Variants in CUX2 observed in about 807,000 individuals in gnomAD.
CUX2 encodes cut like homeobox 2.
A neutral mutation model predicts 144.8 loss-of-function variants in CUX2; 40 were observed. The ratio of observed to expected loss-of-function variants is 0.28; its 90% confidence interval spans 0.21 to 0.36. CUX2 has a LOEUF of 0.36. Ranked by LOEUF, CUX2 falls within the 10% of genes least tolerant of loss-of-function variation. The pLI is 1.00. For missense variants in CUX2, 1,615 were observed against 1,994.0 expected, an observed-to-expected ratio of 0.81 and a Z score of 3.62; for synonymous variants, 827 against 875.6, an observed-to-expected ratio of 0.94 and a Z score of 0.98.
Position 111,295,265 on chromosome 12 carries a change from C to G in CUX2, c.561-68C>G, listed in dbSNP as rs1885910360. On this transcript the variant is annotated intron_variant, in intron 6 of 21. Transcript: ENST00000261726. The surrounding 1 kb of genome is among the most constrained non-coding windows in gnomAD (Gnocchi z 5.0). Reference sequence around the variant, plus strand: ...GCAAGGGGTAGGAAGCAAGATGGGGCTCGACTCGGGGGCCCCAGGCAAGGC... The same window carrying G: ...GCAAGGGGTAGGAAGCAAGATGGGGGTCGACTCGGGGGCCCCAGGCAAGGC... The G allele has an allele frequency of 2.7e-6, 4 of 1,468,132 alleles. No homozygotes were observed. Among genetic ancestry groups the G allele is most frequent in the Non-Finnish European group, 9.4e-7 (1 of 1,069,508 alleles). 90.9% of individuals were successfully genotyped at this position (1,468,132 alleles called of 1,614,324 possible).
intron 1 of CUX2, among the ~76,000 whole-genome samples, chr12:111,174,716 G>T (rs976766738): frequency 1.3e-5 from 2 of 152,328 alleles, no homozygotes; most frequent in Non-Finnish European, 2.9e-5. Context: ...ACAGACTGGG[G>T]TGCCCTCTGG....
intron 1 of CUX2, among the ~76,000 whole-genome samples, chr12:111,091,654 G>T (rs565017148): frequency 1.3e-5 from 2 of 152,194 alleles, no homozygotes; most frequent in Non-Finnish European, 2.9e-5. Context: ...AACTAAAGGG[G>T]ACTTAAAATA....
chr12:111,132,810 C>T (rs369086863), intron 1 of CUX2, among the ~76,000 whole-genome samples: 9 of 152,022 alleles, frequency 5.9e-5, no homozygotes, highest in African/African-American at 1.7e-4. Context: ...TCAGGTGATG[C>T]GCCTGCCTCG....
Position 111,311,594 on chromosome 12 carries a change from A to ATTTT in CUX2, c.1901-504_1901-503insTTTT, listed in dbSNP as rs767367160. 2.4e-4 allele frequency among the ~76,000 whole-genome samples: 32 copies of ATTTT among 133,728 alleles called. 1 individual carries two copies. Among genetic ancestry groups the ATTTT allele is most frequent in the African/African-American group, 7.7e-4 (23 of 30,014 alleles). 87.7% of individuals were successfully genotyped at this position (133,728 alleles called of 152,430 possible). ...ATAAGCCACTGTACCCTATTTCTTT[A>ATTTT]TTATTATTATTTTTTTTTTTTTGAG... On this transcript the variant is annotated intron_variant, in intron 15 of 21. Coordinates refer to ENST00000261726, the MANE Select transcript of CUX2 (RefSeq NM_015267.4).
rs888679321 is a variant in CUX2, at chr12:111,310,767, G to A, written c.1900+85G>A. The A allele has an allele frequency of 3.5e-6, 5 of 1,437,490 alleles. No homozygotes were observed. The highest frequency in any genetic ancestry group is 1.4e-5 in the African/African-American group (1 of 70,814). 89.0% of individuals were successfully genotyped at this position (1,437,490 alleles called of 1,614,324 possible). On this transcript the variant is annotated intron_variant, in intron 15 of 21. Transcript: ENST00000261726. The surrounding 1 kb of genome is among the most constrained non-coding windows in gnomAD (Gnocchi z 7.9). ...CTGGGGGCTGAGGACACGCGCTCTG[G>A]GTTCAAAGCCCAGCTCTACCACCAC...
rs1406885030 is a variant in CUX2 at position 111,304,381 on chromosome 12, A to G, written c.858+67A>G. ...AAAGATCGGGAATGGCTGAGTTTGCAGGTTTCAGCATGTGGGTGACACTTT... is the reference window on the plus strand; with the variant it reads ...AAAGATCGGGAATGGCTGAGTTTGCGGGTTTCAGCATGTGGGTGACACTTT... On this transcript the variant is annotated intron_variant, in intron 10 of 21. Transcript: ENST00000261726. This position sits in a 1 kb window ranked among gnomAD's most constrained non-coding sequence, Gnocchi z 4.7. 5 of 1,321,006 alleles carry G rather than the reference A, an allele frequency of 3.8e-6. No individual in the cohort carries two copies. Among genetic ancestry groups the G allele is most frequent in the Non-Finnish European group, 5.4e-6 (5 of 933,632 alleles). The allele number at this position is 1,321,006 out of a possible 1,614,324, so 81.8% of individuals were successfully genotyped here. A position where few individuals can be genotyped will look rare whatever the true frequency, so the allele number is the denominator to read the frequency against.
chr12:111,317,195 G>A (rs1296252873), intron 16 of CUX2, among the ~76,000 whole-genome samples: 1 of 152,188 alleles, frequency 6.6e-6, no homozygotes, highest in Non-Finnish European at 1.5e-5. Flanking sequence ...TGAAGAAGGG[G>A]TTACATTGAT....
At chr12:111,333,063 G>A (rs1324219291) in intron 18 of CUX2, among the ~76,000 whole-genome samples, 1 of 152,102 alleles carries the variant, frequency 6.6e-6, no homozygotes. Context: ...CAAAAAATTA[G>A]CCGGGTGTGG....
At chr12:111,079,037 A>G (rs943625277) in intron 1 of CUX2, among the ~76,000 whole-genome samples, 4 of 152,214 alleles carry the variant, frequency 2.6e-5, no homozygotes, top group Non-Finnish European at 4.4e-5. Context: ...TTAGCTGTCT[A>G]TGGACTGGGA....
chr12:111,253,676 C>T (rs1477311975), intron 3 of CUX2, among the ~76,000 whole-genome samples: 1 of 152,130 alleles, frequency 6.6e-6, no homozygotes, highest in East Asian at 1.9e-4. Context: ...CTAGAACAGC[C>T]CCATCCCTAG....
chr12:111,348,402 G>T lies in CUX2; in HGVS notation c.*77G>T. ...CACTTACTCTCCTCAACAGGATGGG[G>T]TAAGGGAGGGAGGAACTCAACCATC... On this transcript the variant is annotated 3_prime_UTR_variant, in exon 22 of 22. Coordinates refer to ENST00000261726, the MANE Select transcript of CUX2 (RefSeq NM_015267.4). 2 of 1,340,290 alleles carry T rather than the reference G, an allele frequency of 1.5e-6. No individual in the cohort carries two copies. The highest frequency in any genetic ancestry group is 2.1e-6 in the Non-Finnish European group (2 of 972,022). 83.0% of individuals were successfully genotyped at this position (1,340,290 alleles called of 1,614,324 possible). A position where few individuals can be genotyped will look rare whatever the true frequency, so the allele number is the denominator to read the frequency against.
At position 111,035,248 on chromosome 12, in the gene CUX2, CTCCT is replaced by C. The variant is rs1159933571; in HGVS notation, c.63+1012_63+1015del. Reference sequence around the variant, plus strand: ...TTCCTCTCTTCCCTGCTCTTTCTCTCTCCTTCCCTAGGGCGACTCTTCGAAACCC... The same window carrying C: ...TTCCTCTCTTCCCTGCTCTTTCTCTCTCCCTAGGGCGACTCTTCGAAACCC... On this transcript the variant is annotated intron_variant, in intron 1 of 21. Coordinates refer to ENST00000261726, the MANE Select transcript of CUX2 (RefSeq NM_015267.4). This position sits in a 1 kb window ranked among gnomAD's most constrained non-coding sequence, Gnocchi z 6.0. Among the ~76,000 whole-genome samples, 2 of 152,258 alleles carry C rather than the reference CTCCT, an allele frequency of 1.3e-5. No homozygotes were observed. The highest frequency in any genetic ancestry group is 2.9e-5 in the Non-Finnish European group (2 of 68,046).
chr12:111,069,551 TGC>T (rs983788217), intron 1 of CUX2, among the ~76,000 whole-genome samples: 15 of 146,496 alleles, frequency 1.0e-4, no homozygotes, highest in African/African-American at 2.9e-4. Flanking sequence ...TGTGTGTGTG[TGC>T]GCGCGCGTGT....
rs567807451 is a variant in CUX2 at position 111,070,301 on chromosome 12, A to G, written c.63+36061A>G. 7.2e-5 allele frequency among the ~76,000 whole-genome samples: 11 copies of G among 151,988 alleles called. No homozygotes were observed. The South Asian group carries it at 1.9e-3, about 26-fold the overall frequency. ...AAGAAATAAAACCGTTGTTAACACT[A>G]TCTATGGGTTTGTCCTCCCTCTCTC... is the stretch of plus-strand genomic sequence containing the variant. On this transcript the variant is annotated intron_variant, in intron 1 of 21. Transcript: ENST00000261726.
At chr12:111,054,933 A>G (rs1467020471) in intron 1 of CUX2, among the ~76,000 whole-genome samples, 1 of 151,926 alleles carries the variant, frequency 6.6e-6, no homozygotes, top group African/African-American at 2.4e-5. Context: ...GGCCCTAGAC[A>G]CTCTTAATAT....
intron 1 of CUX2, among the ~76,000 whole-genome samples, chr12:111,205,171 G>A (rs1199859153): frequency 2.6e-5 from 4 of 151,990 alleles, no homozygotes; most frequent in Non-Finnish European, 5.9e-5. Context: ...CCTCACTTAT[G>A]GCAGGCCGGC....
intron 3 of CUX2, among the ~76,000 whole-genome samples, chr12:111,239,183 A>C (rs965730891): frequency 6.6e-6 from 1 of 152,192 alleles, no homozygotes; most frequent in Non-Finnish European, 1.5e-5. Context: ...TGTGTCTCCT[A>C]CTATACCATG....
intron 9 of CUX2, among the ~76,000 whole-genome samples, chr12:111,301,949 T>C (rs1378413154): frequency 6.6e-6 from 1 of 152,208 alleles, no homozygotes; most frequent in African/African-American, 2.4e-5. Context: ...TCAAGGCTTG[T>C]CCTTTAGTCC....
chr12:111,062,605 C>T (rs76335768), intron 1 of CUX2, among the ~76,000 whole-genome samples: 4,211 of 151,966 alleles, frequency 0.028, 210 homozygotes, highest in African/African-American at 0.097. Flanking sequence ...TCTCTGCTCT[C>T]GAGGTGCTTT....
Sources: gnomAD v4.1 joint callset for allele counts (sites outside exome capture counted in the v4.1 genomes callset) on GRCh38, gnomAD v4.1.1 for gene constraint, Gnocchi (gnomAD v3.1) non-coding constraint, MANE v1.5 for transcripts, NCBI Gene and HGNC (gene_info 2026-07-23, HGNC 2026-07-21) for gene names.